Variants in NXN observed in about 807,000 individuals in gnomAD.
NXN encodes nucleoredoxin, also known as nucleoredoxin 1.
NXN carries 16 observed loss-of-function variants against 48.6 expected under a neutral mutation model. The observed-to-expected ratio is 0.33, with a 90% CI of 0.22 to 0.50. NXN has a LOEUF of 0.50. NXN is among the 20% of genes least tolerant of loss of function. The probability of loss-of-function intolerance (pLI) is 0.98; values close to 1 mark genes in which losing one functional copy is unlikely to be tolerated. For missense variants in NXN, 492 were observed against 605.5 expected (o/e 0.81, Z 1.97); for synonymous variants, 281 against 269.6 (o/e 1.04, Z -0.41).
chr17:926,584 C>T (rs370342209), intron 1 of NXN, among the ~76,000 whole-genome samples: 214 of 146,010 alleles, frequency 1.5e-3, no homozygotes, highest in Middle Eastern at 3.8e-3. Context: ...CTGGCTCTAT[C>T]GCCCAGGCTG....
At chr17:906,973 GT>G (rs1341740131) in intron 1 of NXN, among the ~76,000 whole-genome samples, 1 of 151,988 alleles carries the variant, frequency 6.6e-6, no homozygotes, top group Non-Finnish European at 1.5e-5. Flanking sequence ...CTTTTCTTTG[GT>G]CTATAAACAT....
intron 1 of NXN, chr17:897,017 A>C: frequency 9.0e-7 from 1 of 1,110,146 alleles, no homozygotes; most frequent in Non-Finnish European, 1.1e-6. Context: ...TCCGTAATGG[A>C]AACTCCGGCG....
chr17:890,112 C>T (rs2068399771), intron 1 of NXN, among the ~76,000 whole-genome samples: 1 of 151,918 alleles, frequency 6.6e-6, no homozygotes, highest in Non-Finnish European at 1.5e-5. Flanking sequence ...AGCATGCCGG[C>T]GTGAACTCAG....
At chr17:870,951 C>T (rs920458701) in intron 1 of NXN, among the ~76,000 whole-genome samples, 17 of 152,106 alleles carry the variant, frequency 1.1e-4, no homozygotes, top group South Asian at 2.1e-4. Context: ...CTCCGCCTCC[C>T]GGGTTCACAC....
intron 1 of NXN, among the ~76,000 whole-genome samples, chr17:870,729 T>C (rs937861933): frequency 1.3e-5 from 2 of 149,518 alleles, no homozygotes; most frequent in Non-Finnish European, 3.0e-5. Context: ...TATTCAAGCC[T>C]GGGCAACAGA....
chr17:976,126 T>C (rs1050181983), intron 1 of NXN, among the ~76,000 whole-genome samples: 9 of 152,114 alleles, frequency 5.9e-5, no homozygotes, highest in Admixed American at 5.9e-4. Flanking sequence ...CTTTTGTACC[T>C]ACCATGACAA....
rs574958826 is a variant in NXN at position 811,030 on chromosome 17, T to C, written c.821-5783A>G. On this transcript the variant is annotated intron_variant, in intron 5 of 7. Coordinates refer to ENST00000336868, the MANE Select transcript of NXN (RefSeq NM_022463.5). ...AAACAGATTCTGCCTCAAATCCATT[T>C]TTTTGAAAGGGGCAAAGGAAGAGAG... 4.6e-5 allele frequency among the ~76,000 whole-genome samples: 7 copies of C among 152,324 alleles called. No individual in the cohort carries two copies. The South Asian group carries it at 1.4e-3, about 32-fold the overall frequency.
chr17:929,347 C>A (rs1224579915), intron 1 of NXN, among the ~76,000 whole-genome samples: 1 of 152,206 alleles, frequency 6.6e-6, no homozygotes, highest in African/African-American at 2.4e-5. Context: ...TTAAATATGT[C>A]CAATTGGCTA....
intron 1 of NXN, among the ~76,000 whole-genome samples, chr17:879,015 A>C (rs905501834): frequency 6.6e-6 from 1 of 151,864 alleles, no homozygotes; most frequent in Non-Finnish European, 1.5e-5. Context: ...AAATACAAAA[A>C]CTAGCCAGGT....
chr17:827,144 G>A (rs553066282), intron 1 of NXN, among the ~76,000 whole-genome samples: 2 of 152,262 alleles, frequency 1.3e-5, no homozygotes, highest in African/African-American at 4.8e-5. Flanking sequence ...AGGAGTTCAA[G>A]ACCAGCCTGG....
rs1567839210 is a variant in NXN, at chr17:864,090, G to GTGAAGGGGCACGTTTACCATTGCTCAC, written c.361-38013_361-38012insGTGAGCAATGGTAAACGTGCCCCTTCA. 26 of 1,163,204 alleles carry GTGAAGGGGCACGTTTACCATTGCTCAC rather than the reference G, an allele frequency of 2.2e-5. No homozygotes were observed. In the African/African-American group the frequency reaches 7.9e-4, roughly 35 times the overall value. 72.1% of individuals were successfully genotyped at this position (1,163,204 alleles called of 1,614,324 possible). On this transcript the variant is annotated intron_variant, in intron 1 of 7. Coordinates refer to ENST00000336868, the MANE Select transcript of NXN (RefSeq NM_022463.5). ...GAAGGGGCACAGTTACCGTTGCTCGGTTCCGGTGAAGGGGCACGTTTACCG... is the reference window on the plus strand; with the variant it reads ...GAAGGGGCACAGTTACCGTTGCTCGGTGAAGGGGCACGTTTACCATTGCTCACTTCCGGTGAAGGGGCACGTTTACCG...
chr17:929,124 C>T (rs1297851308), intron 1 of NXN, among the ~76,000 whole-genome samples: 1 of 152,180 alleles, frequency 6.6e-6, no homozygotes, highest in Admixed American at 6.5e-5. Flanking sequence ...CATAAAAACC[C>T]AGTTTGTTAG....
At chr17:938,910 G>A (rs1317470562) in intron 1 of NXN, among the ~76,000 whole-genome samples, 1 of 151,890 alleles carries the variant, frequency 6.6e-6, no homozygotes, top group African/African-American at 2.4e-5. Flanking sequence ...AAATTAGCTG[G>A]GTGTGGTGGC....
intron 1 of NXN, among the ~76,000 whole-genome samples, chr17:936,468 CGTGCTG>C (rs1288561616): frequency 6.6e-6 from 1 of 151,844 alleles, no homozygotes; most frequent in Non-Finnish European, 1.5e-5. Flanking sequence ...GCACACGCCG[CGTGCTG>C]CCACCACCCA....
intron 1 of NXN, among the ~76,000 whole-genome samples, chr17:941,213 C>T: frequency 7.2e-6 from 1 of 139,428 alleles, no homozygotes; most frequent in Non-Finnish European, 1.5e-5. Context: ...AGGGTGCAGC[C>T]ATGAATTCAC....
At chr17:916,805 G>A (rs1454882721) in intron 1 of NXN, among the ~76,000 whole-genome samples, 1 of 152,176 alleles carries the variant, frequency 6.6e-6, no homozygotes, top group Non-Finnish European at 1.5e-5. Flanking sequence ...GGCTGAGGCA[G>A]GAGAATCACT....
At chr17:833,089 T>C (rs189863412) in intron 1 of NXN, among the ~76,000 whole-genome samples, 2 of 151,862 alleles carry the variant, frequency 1.3e-5, no homozygotes, top group Admixed American at 6.6e-5. Flanking sequence ...GACGGGGTTT[T>C]ACCGTGTCAG....
rs186540416 is a variant in NXN at position 866,033 on chromosome 17, T to C, written c.361-39955A>G. On this transcript the variant is annotated intron_variant, in intron 1 of 7. Transcript: ENST00000336868. ...CGACAATGTTTATCATAGTATTATT[T>C]GCTACAGCAAAAGGAGAAGGAAGGA... 2.6e-4 allele frequency among the ~76,000 whole-genome samples: 39 copies of C among 152,236 alleles called. No homozygotes were observed. The East Asian group carries it at 7.4e-3, about 29-fold the overall frequency.
chr17:832,834 C>T (rs1012498305), intron 1 of NXN, among the ~76,000 whole-genome samples: 7 of 152,066 alleles, frequency 4.6e-5, no homozygotes, highest in Admixed American at 3.3e-4. Flanking sequence ...TTTGTTTCCA[C>T]GTAAAGGCCC....
Sources: gnomAD v4.1 joint callset for allele counts (sites outside exome capture counted in the v4.1 genomes callset) on GRCh38, gnomAD v4.1.1 for gene constraint, MANE v1.5 for transcripts, NCBI Gene and HGNC (gene_info 2026-07-23, HGNC 2026-07-21) for gene names.